The following PXDNL variants were observed in gnomAD, a reference collection of about 807,000 sequenced individuals.
The protein encoded by PXDNL is probable oxidoreductase PXDNL.
In PXDNL, 145 loss-of-function variants were observed where a neutral mutation model predicts 150.8. The ratio of observed to expected loss-of-function variants is 0.96; its 90% confidence interval spans 0.84 to 1.10. The LOEUF is 1.10. Among genes scored for constraint, PXDNL ranks in the 50% least tolerant of loss-of-function variants. PXDNL has a pLI of 0.00. For missense variants in PXDNL, 2,087 were observed against 1,873.9 expected (o/e 1.11, Z -2.10); for synonymous variants, 757 against 725.7 (o/e 1.04, Z -0.69).
chr8:51,430,921 C>T (rs1202025650), intron 12 of PXDNL, among the ~76,000 whole-genome samples: 1 of 152,100 alleles, frequency 6.6e-6, no homozygotes, highest in Non-Finnish European at 1.5e-5. Flanking sequence ...TCAACAGCAA[C>T]GAATTTCAAG....
intron 17 of PXDNL, among the ~76,000 whole-genome samples, chr8:51,381,510 GC>G (rs1164724126): frequency 2.6e-5 from 4 of 152,114 alleles, no homozygotes; most frequent in Admixed American, 6.5e-5. Context: ...GGGAAGTACT[GC>G]CCCCCAGTAT....
intron 5 of PXDNL, among the ~76,000 whole-genome samples, chr8:51,498,076 A>G (rs1406711253): frequency 6.6e-6 from 1 of 152,112 alleles, no homozygotes; most frequent in African/African-American, 2.4e-5. Flanking sequence ...TATGGCACAT[A>G]TACACCATGG....
chr8:51,797,372 G>A (rs1484075375), intron 1 of PXDNL, among the ~76,000 whole-genome samples: 1 of 152,192 alleles, frequency 6.6e-6, no homozygotes, highest in Non-Finnish European at 1.5e-5. Context: ...CTGGAAAAGA[G>A]GAAGTCAAAA....
At chr8:51,655,617 C>T (rs1352999315) in intron 1 of PXDNL, among the ~76,000 whole-genome samples, 2 of 152,190 alleles carry the variant, frequency 1.3e-5, no homozygotes, top group African/African-American at 4.8e-5. Context: ...GCAGGGGCCT[C>T]TTCCTGCCCG....
At chr8:51,399,819 T>A (rs1302141553) in intron 17 of PXDNL, among the ~76,000 whole-genome samples, 1 of 152,238 alleles carries the variant, frequency 6.6e-6, no homozygotes, top group Admixed American at 6.5e-5. Context: ...CATTCAGATG[T>A]ATACTCTGGT....
intron 17 of PXDNL, among the ~76,000 whole-genome samples, chr8:51,403,897 G>T (rs780771754): frequency 7.2e-5 from 11 of 152,208 alleles, no homozygotes; most frequent in Admixed American, 2.6e-4. Flanking sequence ...AGGTCTTAAA[G>T]GTGGTGTGTC....
chr8:51,628,987 A>T (rs554178399), intron 2 of PXDNL, among the ~76,000 whole-genome samples: 1 of 152,318 alleles, frequency 6.6e-6, no homozygotes, highest in Non-Finnish European at 1.5e-5. Context: ...CTTGCAAAGA[A>T]GCAAGAAAGT....
At position 51,413,452 on chromosome 8, in the gene PXDNL, C is replaced by T. The variant is rs145854498; in HGVS notation, c.1796-194G>A. The stretch of plus-strand genomic sequence containing the variant: ...AGGTAATTATCTTGAAGCAAGGCTT[C>T]ATCTAACAATAATAATGTTATTTAG... On this transcript the variant is annotated intron_variant, in intron 14 of 22. Coordinates refer to ENST00000356297, the MANE Select transcript of PXDNL (RefSeq NM_144651.5). Among the ~76,000 whole-genome samples the T allele has an allele frequency of 1.7e-3, 258 of 152,214 alleles. 1 individual carries two copies. Among genetic ancestry groups the T allele is most frequent in the African/African-American group, 5.7e-3 (236 of 41,538 alleles).
intron 2 of PXDNL, among the ~76,000 whole-genome samples, chr8:51,608,957 G>A (rs922463140): frequency 6.6e-5 from 10 of 151,502 alleles, no homozygotes; most frequent in Non-Finnish European, 1.5e-4. Flanking sequence ...TCAAATTGAC[G>A]AGGTGCTCTT....
intron 12 of PXDNL, among the ~76,000 whole-genome samples, chr8:51,443,935 G>T (rs1433169651): frequency 6.6e-6 from 1 of 152,068 alleles, no homozygotes; most frequent in Non-Finnish European, 1.5e-5. Context: ...CAATGTGCAG[G>T]TTAGTTACAA....
chr8:51,790,819 TTTCCA>T (rs2037505850), intron 1 of PXDNL, among the ~76,000 whole-genome samples: 2 of 35,542 alleles, frequency 5.6e-5, no homozygotes, highest in East Asian at 1.1e-3. Context: ...TGTGTGAGTG[TTTCCA>T]GTGCTTCCTC....
chr8:51,801,770 T>A (rs4373509), intron 1 of PXDNL, among the ~76,000 whole-genome samples: 6,525 of 152,316 alleles, frequency 0.043, 461 homozygotes, highest in African/African-American at 0.14. Flanking sequence ...GTATTGTGGC[T>A]GGACTGGTAG....
At chr8:51,766,310 T>G (rs73590413) in intron 1 of PXDNL, among the ~76,000 whole-genome samples, 21,210 of 152,156 alleles carry the variant, frequency 0.14, 2,705 homozygotes, top group African/African-American at 0.33. Context: ...ACCTCTGTAT[T>G]TTTAAAATCC....
intron 1 of PXDNL, among the ~76,000 whole-genome samples, chr8:51,752,609 T>G (rs1287703569): frequency 6.6e-6 from 1 of 152,166 alleles, no homozygotes; most frequent in Non-Finnish European, 1.5e-5. Flanking sequence ...TACAATCTCC[T>G]GACTAAAGGA....
intron 3 of PXDNL, among the ~76,000 whole-genome samples, chr8:51,559,330 A>ACCCCCCC (rs59230172): frequency 3.9e-4 from 38 of 98,138 alleles, no homozygotes; most frequent in East Asian, 2.6e-3. Context: ...TTTCTTCCAA[A>ACCCCCCC]CCCCCCCCCC....
chr8:51,599,143 G>A (rs1813637865), intron 2 of PXDNL, among the ~76,000 whole-genome samples: 1 of 151,910 alleles, frequency 6.6e-6, no homozygotes, highest in Non-Finnish European at 1.5e-5. Flanking sequence ...TGTTAATCTA[G>A]CTAGTGGTCT....
At chr8:51,540,930 C>A (rs1585563769) in intron 4 of PXDNL, among the ~76,000 whole-genome samples, 1 of 146,002 alleles carries the variant, frequency 6.8e-6, no homozygotes. Context: ...TTTTTAGTTT[C>A]TTGGGTGCAG....
chr8:51,718,906 C>G (rs1816667833), intron 1 of PXDNL, among the ~76,000 whole-genome samples: 1 of 152,032 alleles, frequency 6.6e-6, no homozygotes, highest in Non-Finnish European at 1.5e-5. Context: ...ATCAGACTTC[C>G]TCCCTCGCCC....
chr8:51,700,574 A>G (rs1816235975), intron 1 of PXDNL, among the ~76,000 whole-genome samples: 1 of 61,786 alleles, frequency 1.6e-5, no homozygotes, highest in South Asian at 6.6e-4. Flanking sequence ...TTACATATAT[A>G]CCCATATACA....
Sources: gnomAD v4.1 joint callset for allele counts (sites outside exome capture counted in the v4.1 genomes callset) on GRCh38, gnomAD v4.1.1 for gene constraint, MANE v1.5 for transcripts, NCBI Gene and HGNC (gene_info 2026-07-23, HGNC 2026-07-21) for gene names.